ASTL: variants seen among roughly 807,000 people sequenced by gnomAD.
The protein encoded by ASTL is astacin like metalloendopeptidase, also known as astacin-like metalloendopeptidase.
A neutral mutation model predicts 36.7 loss-of-function variants in ASTL; 27 were observed. The observed-to-expected ratio is 0.73, with a 90% CI of 0.54 to 1.01. The LOEUF is 1.01. Ranked by LOEUF, ASTL falls within the 50% of genes least tolerant of loss-of-function variation. ASTL has a pLI of 0.00. For synonymous variants in ASTL, 222 were observed against 228.1 expected (o/e 0.97, Z 0.24); for missense variants, 524 against 572.8 (o/e 0.91, Z 0.87).
At chr2:96,126,537 C>T (rs932205300) in intron 8 of ASTL, among the ~76,000 whole-genome samples, 3 of 152,096 alleles carry the variant, frequency 2.0e-5, no homozygotes, top group East Asian at 1.9e-4. Flanking sequence ...CCTCGTATAC[C>T]GCTGGTGGGA....
rs1263350641 is a variant in ASTL, at chr2:96,132,215, C to T, written c.637+325G>A. Among the ~76,000 whole-genome samples, 1 of 152,240 alleles carries T rather than the reference C, an allele frequency of 6.6e-6. No individual in the cohort carries two copies. Among genetic ancestry groups the T allele is most frequent in the African/African-American group, 2.4e-5 (1 of 41,464 alleles). On this transcript the variant is annotated intron_variant, in intron 6 of 8. Transcript: ENST00000342380. This position sits in a 1 kb window ranked among gnomAD's most constrained non-coding sequence, Gnocchi z 5.4. ...ATGAGACCGCTGCTAGAGTACTCAA[C>T]AAGCAGGTATCATGGGCACTGCCTG...
chr2:96,137,586 G>A lies in ASTL; in HGVS notation c.170C>T (p.Ala57Val), dbSNP rs769905379. 1 of 1,613,790 alleles carries A rather than the reference G, an allele frequency of 6.2e-7. No individual in the cohort carries two copies. The highest frequency in any genetic ancestry group is 8.5e-7 in the Non-Finnish European group (1 of 1,179,718). ...TQASGDKDIP[A>V]INQGLILEET... is the part of the protein sequence containing the mutation. Reference sequence around the variant, plus strand: ...TGTAGTGCCCTCACCTTGGTTAATTGCAGGAATGTCCTTGTCCCCGGAGGC... The same window carrying A: ...TGTAGTGCCCTCACCTTGGTTAATTACAGGAATGTCCTTGTCCCCGGAGGC... Residue 57 changes from alanine to valine, a missense_variant, in exon 2 of 9, where the codon GCA (alanine) becomes GTA (valine). Transcript: ENST00000342380.
intron 6 of ASTL, among the ~76,000 whole-genome samples, chr2:96,131,485 A>T (rs1301655672): frequency 6.6e-6 from 1 of 152,174 alleles, no homozygotes; most frequent in South Asian, 2.1e-4. Context: ...TAAAATTATC[A>T]GGGTAAACTT....
chr2:96,137,769 A>G (rs1040705891), intron 1 of ASTL, 69 bp from the exon 2 acceptor site: 1 of 1,514,520 alleles, frequency 6.6e-7, no homozygotes, highest in African/African-American at 1.4e-5. Flanking sequence ...ACAGCAGGAC[A>G]TGGGGTGGGT....
intron 5 of ASTL, 43 bp downstream of exon 5, chr2:96,133,382 C>G (rs748739844): frequency 3.0e-6 from 4 of 1,321,690 alleles, no homozygotes; most frequent in Non-Finnish European, 4.4e-6. Flanking sequence ...CCGGGCTGAA[C>G]GCAGAAGCGA....
Position 96,133,414 on chromosome 2 carries a change from C to G in ASTL, c.455+11G>C. 1.3e-6 allele frequency: 2 copies of G among 1,552,000 alleles called. No homozygotes were observed. The highest frequency in any genetic ancestry group is 1.8e-6 in the Non-Finnish European group (2 of 1,123,382). On this transcript the variant is annotated intron_variant, in intron 5 of 8. Coordinates refer to ENST00000342380, the MANE Select transcript of ASTL (RefSeq NM_001002036.4). The stretch of plus-strand genomic sequence containing the variant: ...GCGAGCTGAGATACGCATCCTGGCC[C>G]CGGCACTTACCCATACATGGGGATG...
chr2:96,126,754 G>T (rs1272766341), intron 8 of ASTL, among the ~76,000 whole-genome samples: 2 of 152,156 alleles, frequency 1.3e-5, no homozygotes, highest in East Asian at 3.9e-4. Context: ...TACTTGGGAG[G>T]CTGAGGCAGG....
At chr2:96,129,698 G>T in intron 8 of ASTL, 126 bp downstream of exon 8, 1 of 865,382 alleles carries the variant, frequency 1.2e-6, no homozygotes, top group Non-Finnish European at 1.7e-6. Flanking sequence ...CGTCGTTGTG[G>T]CAAGCCCCCG....
intron 5 of ASTL, 152 bp downstream of exon 5, chr2:96,133,273 G>C: frequency 1.5e-6 from 1 of 683,906 alleles, no homozygotes. Context: ...CCGCCCTGGA[G>C]GTCCAGCTCA....
At position 96,124,596 on chromosome 2, in the gene ASTL, G is replaced by A. The variant is rs1682028653; in HGVS notation, c.875-325C>T. On this transcript the variant is annotated intron_variant, in intron 8 of 8. Coordinates refer to ENST00000342380, the MANE Select transcript of ASTL (RefSeq NM_001002036.4). The surrounding 1 kb of genome is among the most constrained non-coding windows in gnomAD (Gnocchi z 4.1). ...CCCACCTTCCGGACCCTTCACCCAG[G>A]TTGTTCTGCCTATGGCCATACCCTA... Among the ~76,000 whole-genome samples the A allele has an allele frequency of 6.6e-6, 1 of 151,986 alleles. No individual in the cohort carries two copies. The highest frequency in any genetic ancestry group is 2.1e-4 in the South Asian group (1 of 4,810).
rs1304934989 is a variant in ASTL at position 96,132,628 on chromosome 2, C to T, written c.549G>A (p.Glu183=). The part of the protein sequence containing the change: ...LQKGRGIVLH[E]LMHVLGFWHE... ...GCCAGAAGCCCAGCACATGCATGAG[C>T]TCATGAAGGACAATGCCCCGGCCCT... Residue 183 remains glutamate (E), a synonymous_variant, in exon 6 of 9, where the codon GAG becomes GAA. Coordinates refer to ENST00000342380, the MANE Select transcript of ASTL (RefSeq NM_001002036.4). This position sits in a 1 kb window ranked among gnomAD's most constrained non-coding sequence, Gnocchi z 5.4. 1.2e-6 allele frequency: 2 copies of T among 1,613,724 alleles called. No homozygotes were observed. The highest frequency in any genetic ancestry group is 1.7e-6 in the Non-Finnish European group (2 of 1,179,838).
intron 2 of ASTL, 67 bp from the exon 3 acceptor site, chr2:96,135,479 CA>C: frequency 7.3e-7 from 1 of 1,372,786 alleles, no homozygotes; most frequent in Non-Finnish European, 1.0e-6. Context: ...ACAGGCCAAG[CA>C]AATCCCTACT....
At position 96,123,728 on chromosome 2, in the gene ASTL, T is replaced by G; in HGVS notation, c.*122A>C. On this transcript the variant is annotated 3_prime_UTR_variant, in exon 9 of 9. Transcript: ENST00000342380. ...AGACAGGGGAAGAGTCCTGGCCCTC[T>G]GAGATGGGGTGGTAGGTTGGGGCTG... 8.0e-6 allele frequency: 6 copies of G among 751,088 alleles called. No individual in the cohort carries two copies. The highest frequency in any genetic ancestry group is 2.5e-5 in the East Asian group (1 of 39,282). The allele number at this position is 751,088 out of a possible 1,614,324, so 46.5% of individuals were successfully genotyped here. A position where few individuals can be genotyped will look rare whatever the true frequency, so the allele number is the denominator to read the frequency against.
rs1682241153 is a variant in ASTL at position 96,133,973 on chromosome 2, C to G, written c.329G>C (p.Ser110Thr). ...GCGCCATGCTCACTCACCGTACTTG[C>G]TGGAGAGCAGGAAGGGGACCTCCAC... ...GVVEVPFLLS[S>T]KYDEPSRQVI... is the part of the protein sequence containing the mutation. Residue 110 changes from serine (S) to threonine (T), a missense_variant, in exon 4 of 9, where the codon AGC (serine) becomes ACC (threonine). By Grantham distance (58) the Ser-to-Thr change is moderately conservative. Transcript: ENST00000342380. 3.7e-6 allele frequency: 6 copies of G among 1,611,426 alleles called. No homozygotes were observed. The South Asian group carries it at 6.6e-5, about 18-fold the overall frequency.
At chr2:96,125,994 G>A (rs1034903643) in intron 8 of ASTL, among the ~76,000 whole-genome samples, 2 of 152,010 alleles carry the variant, frequency 1.3e-5, no homozygotes, top group African/African-American at 2.4e-5. Flanking sequence ...GTTACATGAA[G>A]AATGAAGTTG....
chr2:96,135,261 T>A (rs1430326567), intron 3 of ASTL, 90 bp downstream of exon 3: 1 of 1,054,034 alleles, frequency 9.5e-7, no homozygotes, highest in Non-Finnish European at 1.5e-6. Flanking sequence ...CCCTCACACA[T>A]CAGGCCCCAT....
At chr2:96,135,455 C>T (rs1682276430) in intron 2 of ASTL, 43 bp from the exon 3 acceptor site, 1 of 1,591,334 alleles carries the variant, frequency 6.3e-7, no homozygotes, top group Non-Finnish European at 8.6e-7. Context: ...TCCCCCAGAA[C>T]ACTGACTCGT....
At chr2:96,131,752 C>T (rs1464761146) in intron 6 of ASTL, among the ~76,000 whole-genome samples, 3 of 152,156 alleles carry the variant, frequency 2.0e-5, no homozygotes, top group Non-Finnish European at 2.9e-5. Flanking sequence ...ACCTGGCTAA[C>T]ATGACAGCCC....
In ASTL at chr2:96,137,889, A is replaced by G. The variant is rs989099881; in HGVS notation, c.56-189T>C. On this transcript the variant is annotated intron_variant, in intron 1 of 8. Coordinates refer to ENST00000342380, the MANE Select transcript of ASTL (RefSeq NM_001002036.4). ...AACCCCAACTGGTGCCAAGGTCTAG[A>G]TGACCTCAGGGAAGGAGCTCCCTTA... 8.9e-5 allele frequency: 52 copies of G among 585,804 alleles called. No individual in the cohort carries two copies. The East Asian group carries it at 1.4e-3, about 16-fold the overall frequency. The allele number at this position is 585,804 out of a possible 1,614,324, so 36.3% of individuals were successfully genotyped here. A position where few individuals can be genotyped will look rare whatever the true frequency, so the allele number is the denominator to read the frequency against.
Sources: gnomAD v4.1 joint callset for allele counts (sites outside exome capture counted in the v4.1 genomes callset) on GRCh38, gnomAD v4.1.1 for gene constraint, Gnocchi (gnomAD v3.1) non-coding constraint, MANE v1.5 for transcripts, NCBI Gene and HGNC (gene_info 2026-07-23, HGNC 2026-07-21) for gene names.